C3orf33: variants seen among roughly 807,000 people sequenced by gnomAD.
The protein encoded by C3orf33 is mitochondrial inner membrane subdomain organizer 1.
C3orf33 carries 23 observed loss-of-function variants against 28.7 expected under a neutral mutation model. The observed-to-expected ratio is 0.80, with a 90% CI of 0.58 to 1.13. The LOEUF (loss-of-function observed/expected upper bound fraction) is 1.13, where lower values mean the gene tolerates loss of function less well. Among genes scored for constraint, C3orf33 ranks in the 50% most tolerant of loss-of-function variants. The pLI, the probability that C3orf33 is intolerant of heterozygous loss-of-function variation, is 0.00. For synonymous variants in C3orf33, 119 were observed against 120.5 expected, an observed-to-expected ratio of 0.99 and a Z score of 0.08; for missense variants, 327 against 353.4, an observed-to-expected ratio of 0.93 and a Z score of 0.60.
chr3:155,770,805 C>T (rs1470302781), intron 3 of C3orf33, among the ~76,000 whole-genome samples: 2 of 151,868 alleles, frequency 1.3e-5, no homozygotes, highest in African/African-American at 4.8e-5. Flanking sequence ...GAATTACAAG[C>T]GCATGCCACC....
Position 155,762,724 on chromosome 3 carries a change from G to C in C3orf33, c.*793C>G, listed in dbSNP as rs989011564. On this transcript the variant is annotated 3_prime_UTR_variant, in exon 5 of 5. Coordinates refer to ENST00000340171, the MANE Select transcript of C3orf33 (RefSeq NM_001308229.2). ...ATTCAATATGGCAATACAAAACTTA[G>C]CCAGGCTTGGTGGGAGCTCCTGTAA... 8 of 152,076 alleles carry C rather than the reference G, an allele frequency of 5.3e-5. No homozygotes were observed. Among genetic ancestry groups the C allele is most frequent in the African/African-American group, 9.7e-5 (4 of 41,398 alleles). The allele number at this position is 152,076 out of a possible 1,614,324, so 9.4% of individuals were successfully genotyped here.
In C3orf33 at chr3:155,775,825, C is replaced by T. The variant is rs371276437; in HGVS notation, c.198G>A (p.Ser66=). The change falls in exon 3 of 5, where the codon TCG becomes TCA. Residue 66 remains serine (S), a synonymous_variant. Coordinates refer to ENST00000340171, the MANE Select transcript of C3orf33 (RefSeq NM_001308229.2). ...TTCTTATAAATTCTACTGGAATATC[C>T]GAAGAGCTTGTAAATTTTGATGTCT... ...IRLTSKFTSS[S]DIPVEFIRRN... is the part of the protein sequence containing the mutation. 31 of 1,590,854 alleles carry T rather than the reference C, an allele frequency of 1.9e-5. No individual in the cohort carries two copies. Among genetic ancestry groups the T allele is most frequent in the Middle Eastern group, 1.7e-4 (1 of 5,778 alleles).
chr3:155,763,545 C>CT lies in C3orf33; in HGVS notation c.856dup (p.Ser286LysfsTer7). 6.5e-7 allele frequency: 1 copy of CT among 1,530,964 alleles called. No individual in the cohort carries two copies. The highest frequency in any genetic ancestry group is 8.7e-7 in the Non-Finnish European group (1 of 1,148,510). 94.8% of individuals were successfully genotyped at this position (1,530,964 alleles called of 1,614,324 possible). On this transcript the variant is annotated frameshift_variant, in exon 5 of 5. Transcript: ENST00000340171. LOFTEE classifies it high-confidence loss of function. Reference sequence around the variant, plus strand: ...CCCTTTTCTACGAAAGTTTATGCGACTTATAAGTTCTCTGAACTTCAGTAT... The same window carrying CT: ...CCCTTTTCTACGAAAGTTTATGCGACTTTATAAGTTCTCTGAACTTCAGTAT...
At chr3:155,798,074 GAAA>G (rs34314152) in intron 2 of C3orf33, among the ~76,000 whole-genome samples, 3 of 132,420 alleles carry the variant, frequency 2.3e-5, no homozygotes, top group Admixed American at 2.2e-4. Flanking sequence ...CTGTCTCAAA[GAAA>G]AAAAAAAAAA....
intron 2 of C3orf33, among the ~76,000 whole-genome samples, chr3:155,793,735 GA>G (rs1320056017): frequency 2.8e-5 from 4 of 144,738 alleles, no homozygotes; most frequent in Non-Finnish European, 4.5e-5. Context: ...TCTTGAACCT[GA>G]GAGGCAGAGT....
rs904211966 is a variant in C3orf33, at chr3:155,767,400, C to CA, written c.483+108dup. ...TCACTATCAGTAGCAGTTTAAAAGG[C>CA]AAAAAAAAGTCAGTCCCATTATATA... On this transcript the variant is annotated intron_variant, in intron 4 of 4. Transcript: ENST00000340171. 3.1e-4 allele frequency: 246 copies of CA among 800,746 alleles called. No homozygotes were observed. In the African/African-American group the frequency reaches 3.1e-3, roughly 10 times the overall value. The allele number at this position is 800,746 out of a possible 1,614,324, so 49.6% of individuals were successfully genotyped here.
rs71138678 is a variant in C3orf33, at chr3:155,771,017, CTGTGTGTGTG to C, written c.323-3358_323-3349del. 6.2e-3 allele frequency among the ~76,000 whole-genome samples: 675 copies of C among 109,648 alleles called. 7 individuals carry two copies. The highest frequency in any genetic ancestry group is 0.019 in the Middle Eastern group (4 of 212). 71.9% of individuals were successfully genotyped at this position (109,648 alleles called of 152,430 possible). On this transcript the variant is annotated intron_variant, in intron 3 of 4. Transcript: ENST00000340171. ...GTTGAGACATAGTTTTGCTCTGCCA[CTGTGTGTGTG>C]TGTGTGTGTGTGTGTGTGTGTGTGT...
At chr3:155,799,725 A>G (rs920917543) in intron 2 of C3orf33, among the ~76,000 whole-genome samples, 1 of 152,180 alleles carries the variant, frequency 6.6e-6, no homozygotes, top group Non-Finnish European at 1.5e-5. Context: ...TATACATGGT[A>G]GAATACTATT....
chr3:155,784,780 T>G (rs1039175473), intron 2 of C3orf33, among the ~76,000 whole-genome samples: 1 of 150,428 alleles, frequency 6.6e-6, no homozygotes, highest in Non-Finnish European at 1.5e-5. Context: ...TAAAAAATTA[T>G]ACAAAATACA....
intron 2 of C3orf33, among the ~76,000 whole-genome samples, chr3:155,776,737 C>G (rs1750758935): frequency 8.4e-6 from 1 of 118,572 alleles, no homozygotes; most frequent in African/African-American, 3.3e-5. Flanking sequence ...GCCTGGGTGA[C>G]AGAGCGAGAA....
intron 3 of C3orf33, among the ~76,000 whole-genome samples, chr3:155,773,118 G>C (rs1750641347): frequency 6.6e-6 from 1 of 152,214 alleles, no homozygotes; most frequent in Non-Finnish European, 1.5e-5. Context: ...CATAAACCAA[G>C]AAGTAAAAAT....
chr3:155,778,226 A>G (rs1170398064), intron 2 of C3orf33, among the ~76,000 whole-genome samples: 1 of 151,992 alleles, frequency 6.6e-6, no homozygotes, highest in East Asian at 1.9e-4. Flanking sequence ...AATATAATGC[A>G]TGATCCTTGT....
intron 2 of C3orf33, among the ~76,000 whole-genome samples, chr3:155,777,269 G>C (rs1175563642): frequency 6.6e-6 from 1 of 151,356 alleles, no homozygotes; most frequent in Non-Finnish European, 1.5e-5. Context: ...AGCCAAGATC[G>C]CACCATTGCA....
chr3:155,806,104 G>A, intron 1 of C3orf33, 35 bp downstream of exon 1: 1 of 1,342,938 alleles, frequency 7.4e-7, no homozygotes, highest in Admixed American at 2.5e-5. Flanking sequence ...GCCGCCCCGC[G>A]CCCACCACCC....
At chr3:155,800,338 T>C (rs1174079691) in intron 2 of C3orf33, among the ~76,000 whole-genome samples, 2 of 151,974 alleles carry the variant, frequency 1.3e-5, no homozygotes, top group Non-Finnish European at 2.9e-5. Flanking sequence ...GTGCAGTGGC[T>C]CATGTCTGTA....
intron 2 of C3orf33, among the ~76,000 whole-genome samples, chr3:155,796,580 T>C (rs1034196650): frequency 2.6e-5 from 4 of 152,138 alleles, no homozygotes; most frequent in Non-Finnish European, 5.9e-5. Context: ...ATTGCTGAAT[T>C]TTACCAAACG....
At chr3:155,802,184 G>T (rs1751668951) in intron 2 of C3orf33, among the ~76,000 whole-genome samples, 1 of 152,148 alleles carries the variant, frequency 6.6e-6, no homozygotes, top group African/African-American at 2.4e-5. Context: ...TTCAACTGTG[G>T]TCTAAATCAA....
At chr3:155,797,130 A>G (rs1344301021) in intron 2 of C3orf33, among the ~76,000 whole-genome samples, 1 of 152,166 alleles carries the variant, frequency 6.6e-6, no homozygotes, top group Non-Finnish European at 1.5e-5. Context: ...AGGTTGCAGT[A>G]GCCGGGGTCA....
chr3:155,801,736 T>C (rs6784534), intron 2 of C3orf33, among the ~76,000 whole-genome samples: 2,039 of 152,090 alleles, frequency 0.013, 56 homozygotes, highest in African/African-American at 0.048. Context: ...GTTGGAGTTA[T>C]TGTTTTTTTG....
Sources: gnomAD v4.1 joint callset for allele counts (sites outside exome capture counted in the v4.1 genomes callset) on GRCh38, gnomAD v4.1.1 for gene constraint, MANE v1.5 for transcripts, NCBI Gene and HGNC (gene_info 2026-07-23, HGNC 2026-07-21) for gene names.